Variants in RAB3C observed in about 807,000 individuals in gnomAD.
The protein encoded by RAB3C is ras-related protein Rab-3C.
RAB3C carries 17 observed loss-of-function variants against 26.4 expected under a neutral mutation model. The observed-to-expected ratio is 0.64, with a 90% CI of 0.44 to 0.97. RAB3C has a LOEUF of 0.97. Among genes scored for constraint, RAB3C ranks in the 50% least tolerant of loss-of-function variants. RAB3C has a pLI of 0.00. For synonymous variants in RAB3C, 91 were observed against 95.9 expected, an observed-to-expected ratio of 0.95 and a Z score of 0.30; for missense variants, 242 against 281.9, an observed-to-expected ratio of 0.86 and a Z score of 1.01.
At chr5:58,753,533 C>T (rs1455796818) in intron 3 of RAB3C, among the ~76,000 whole-genome samples, 1 of 152,066 alleles carries the variant, frequency 6.6e-6, no homozygotes, top group African/African-American at 2.4e-5. Context: ...TTATAGTAGT[C>T]TTTCGAGTCA....
intron 3 of RAB3C, among the ~76,000 whole-genome samples, chr5:58,804,435 C>T (rs1332004444): frequency 6.6e-6 from 1 of 152,208 alleles, no homozygotes; most frequent in Non-Finnish European, 1.5e-5. Context: ...TTCACAGGCA[C>T]ACTCTCAACC....
chr5:58,587,533 G>T (rs564333225), intron 1 of RAB3C, among the ~76,000 whole-genome samples: 1 of 152,194 alleles, frequency 6.6e-6, no homozygotes, highest in South Asian at 2.1e-4. Flanking sequence ...GAATAACATA[G>T]ATCTTTAGCA....
Position 58,617,630 on chromosome 5 carries a change from G to A in RAB3C, c.25-13G>A. On this transcript the variant is annotated splice_polypyrimidine_tract_variant and intron_variant, in intron 1 of 4. Coordinates refer to ENST00000282878, the MANE Select transcript of RAB3C (RefSeq NM_138453.4). ...ACCTATTTTGTTTTTGTTTTGTTTT[G>A]TTTTTATCACAGATGGCCTCTGCCC... 6.2e-7 allele frequency: 1 copy of A among 1,604,036 alleles called. No homozygotes were observed. Among genetic ancestry groups the A allele is most frequent in the Non-Finnish European group, 8.5e-7 (1 of 1,171,140 alleles).
chr5:58,701,248 G>T (rs192556197), intron 2 of RAB3C, among the ~76,000 whole-genome samples: 1 of 152,078 alleles, frequency 6.6e-6, no homozygotes, highest in African/African-American at 2.4e-5. Flanking sequence ...TGATCCACCC[G>T]CCTTGGCCTC....
intron 1 of RAB3C, among the ~76,000 whole-genome samples, chr5:58,603,302 CT>C (rs1279986963): frequency 6.6e-6 from 1 of 152,142 alleles, no homozygotes; most frequent in African/African-American, 2.4e-5. Context: ...AGGTGAAGAT[CT>C]TTTTGTGATA....
At chr5:58,634,492 G>T (rs575195266) in intron 2 of RAB3C, among the ~76,000 whole-genome samples, 3 of 152,246 alleles carry the variant, frequency 2.0e-5, no homozygotes, top group South Asian at 4.1e-4. Context: ...TTATAGTATG[G>T]TTATGAGGAA....
chr5:58,709,025 T>C (rs900849130), intron 2 of RAB3C, among the ~76,000 whole-genome samples: 1 of 152,206 alleles, frequency 6.6e-6, no homozygotes, highest in Non-Finnish European at 1.5e-5. Context: ...TAAATCAATA[T>C]AGGTCCTTTC....
intron 4 of RAB3C, among the ~76,000 whole-genome samples, chr5:58,830,829 T>G (rs1743595844): frequency 6.6e-6 from 1 of 151,978 alleles, no homozygotes; most frequent in Admixed American, 6.5e-5. Flanking sequence ...ACCACCAAGC[T>G]CCACTTCAGT....
intron 3 of RAB3C, among the ~76,000 whole-genome samples, chr5:58,771,579 GAAGTTAA>G (rs754736054): frequency 3.2e-4 from 48 of 152,168 alleles, no homozygotes; most frequent in Admixed American, 6.5e-4. Flanking sequence ...TAAAGTTTCA[GAAGTTAA>G]AAGTTAAAAT....
chr5:58,796,996 CAG>C (rs1491020673), intron 3 of RAB3C, among the ~76,000 whole-genome samples: 5 of 151,420 alleles, frequency 3.3e-5, no homozygotes, highest in East Asian at 1.9e-4. Flanking sequence ...CACACACACA[CAG>C]ACACACACAC....
chr5:58,851,738 TTGTG>T lies in RAB3C; in HGVS notation c.*412_*415del, dbSNP rs57733643. The T allele has an allele frequency of 0.23, 35,431 of 152,420 alleles. 4,204 individuals carry two copies. Among genetic ancestry groups the T allele is most frequent in the Non-Finnish European group, 0.26 (17,720 of 69,144 alleles). 9.4% of individuals were successfully genotyped at this position (152,420 alleles called of 1,614,324 possible). On this transcript the variant is annotated 3_prime_UTR_variant, in exon 5 of 5. Transcript: ENST00000282878. Reference sequence around the variant, plus strand: ...GTAGGAATGATGACCAAGGAATTGCTTGTGTGTGTGTGTGTGTGTGTGTGTGTGC... The same window carrying T: ...GTAGGAATGATGACCAAGGAATTGCTTGTGTGTGTGTGTGTGTGTGTGTGC...
At chr5:58,802,921 A>G (rs10054442) in intron 3 of RAB3C, among the ~76,000 whole-genome samples, 13,975 of 152,286 alleles carry the variant, frequency 0.092, 795 homozygotes, top group African/African-American at 0.15. Context: ...TCACTGGGAT[A>G]TTAACATCAT....
chr5:58,633,887 C>G (rs1371680387), intron 2 of RAB3C, among the ~76,000 whole-genome samples: 2 of 151,940 alleles, frequency 1.3e-5, no homozygotes, highest in Non-Finnish European at 2.9e-5. Flanking sequence ...AATCCCAGCA[C>G]TTTGGGAGGC....
intron 3 of RAB3C, among the ~76,000 whole-genome samples, chr5:58,813,780 T>TATTATTTAACTCTGGACTTAAAGAAG (rs1224079829): frequency 3.6e-4 from 25 of 70,058 alleles, no homozygotes; most frequent in South Asian, 7.5e-4. Context: ...ATTCAGTGAA[T>TATTATTTAACTCTGGACTTAAAGAAG]GCACACATAC....
chr5:58,737,911 A>G (rs1012097969), intron 3 of RAB3C, among the ~76,000 whole-genome samples: 1 of 152,088 alleles, frequency 6.6e-6, no homozygotes, highest in African/African-American at 2.4e-5. Flanking sequence ...GAAAAAAAAA[A>G]TGTCTTATCT....
intron 3 of RAB3C, among the ~76,000 whole-genome samples, chr5:58,791,828 A>G (rs1742529864): frequency 6.6e-6 from 1 of 152,230 alleles, no homozygotes; most frequent in South Asian, 2.1e-4. Context: ...TATTTTCATG[A>G]AACTCTAAAA....
At chr5:58,796,591 A>G (rs926272784) in intron 3 of RAB3C, among the ~76,000 whole-genome samples, 2 of 152,226 alleles carry the variant, frequency 1.3e-5, no homozygotes, top group Non-Finnish European at 2.9e-5. Context: ...TGTTGGCAGG[A>G]ATATAAAAAT....
At chr5:58,650,016 T>C (rs1747610259) in intron 2 of RAB3C, among the ~76,000 whole-genome samples, 4 of 152,230 alleles carry the variant, frequency 2.6e-5, no homozygotes, top group Admixed American at 6.5e-5. Flanking sequence ...CTTGCATTTC[T>C]GACTTTCTGC....
upstream of RAB3C, chr5:58,582,927 C>G: frequency 2.9e-6 from 2 of 693,670 alleles, no homozygotes; most frequent in South Asian, 2.6e-5. Flanking sequence ...GCGGATCGAG[C>G]CTGTTTAATG....
Sources: gnomAD v4.1 joint callset for allele counts (sites outside exome capture counted in the v4.1 genomes callset) on GRCh38, gnomAD v4.1.1 for gene constraint, MANE v1.5 for transcripts, NCBI Gene and HGNC (gene_info 2026-07-23, HGNC 2026-07-21) for gene names.